MRPS25: variants seen among roughly 807,000 people sequenced by gnomAD.
MRPS25 encodes the protein mitochondrial ribosomal protein S25, also known as small ribosomal subunit protein mS25.
Under a neutral mutation model 17.3 loss-of-function variants are expected in MRPS25, and 15 were observed. The observed-to-expected ratio is 0.87, with a 90% CI of 0.58 to 1.34. MRPS25 has a LOEUF of 1.34. MRPS25 is among the 40% of genes most tolerant of loss of function. The probability of loss-of-function intolerance (pLI) is 0.00; values close to 1 mark genes in which losing one functional copy is unlikely to be tolerated. For missense variants in MRPS25, 225 were observed against 218.6 expected (o/e 1.03, Z -0.19); for synonymous variants, 94 against 83.3 (o/e 1.13, Z -0.70).
At chr3:15,062,620 A>C (rs1455678255) in intron 1 of MRPS25, among the ~76,000 whole-genome samples, 1 of 152,150 alleles carries the variant, frequency 6.6e-6, no homozygotes, top group African/African-American at 2.4e-5. Context: ...GTTTTGTGGA[A>C]TAGAAAGGGG....
chr3:15,059,764 C>T (rs1176311253), intron 1 of MRPS25, among the ~76,000 whole-genome samples: 4 of 152,080 alleles, frequency 2.6e-5, no homozygotes, highest in Admixed American at 1.3e-4. Flanking sequence ...GGTACTACGT[C>T]GTGATTTGTG....
At chr3:15,063,690 A>G (rs959237712) in intron 1 of MRPS25, among the ~76,000 whole-genome samples, 3 of 152,190 alleles carry the variant, frequency 2.0e-5, no homozygotes, top group Non-Finnish European at 4.4e-5. Flanking sequence ...CTGGCCATTT[A>G]AAAGCCAGAG....
At chr3:15,043,050 G>T, downstream of MRPS25, 1 of 1,564,944 alleles carries the variant, frequency 6.4e-7, no homozygotes, top group Non-Finnish European at 8.7e-7. Flanking sequence ...AATCCTTCCA[G>T]GACCGTTCAC....
Position 15,050,476 on chromosome 3 carries a change from A to T in MRPS25, c.*1965T>A, listed in dbSNP as rs980917986. On this transcript the variant is annotated 3_prime_UTR_variant, in exon 4 of 4. Transcript: ENST00000253686. ...CATAAGGCTTTGTGTGTCACTAGCT[A>T]TGGAGACCTACACTGCAGATGAAAG... 1.0e-6 allele frequency: 1 copy of T among 987,132 alleles called. No homozygotes were observed. The highest frequency in any genetic ancestry group is 1.2e-6 in the Non-Finnish European group (1 of 831,400). 61.1% of individuals were successfully genotyped at this position (987,132 alleles called of 1,614,324 possible).
At chr3:15,042,341 C>G (rs1392194587), downstream of MRPS25, 1 of 152,378 alleles carries the variant, frequency 6.6e-6, no homozygotes, top group Non-Finnish European at 1.5e-5. Flanking sequence ...AATCCCAATA[C>G]CCAGAGCCCA....
At chr3:15,062,121 A>C (rs1239658017) in intron 1 of MRPS25, among the ~76,000 whole-genome samples, 1 of 121,084 alleles carries the variant, frequency 8.3e-6, no homozygotes, top group South Asian at 3.0e-4. Flanking sequence ...CAGCCGCCCC[A>C]TCCGGGAGGG....
downstream of MRPS25, chr3:15,045,998 A>C (rs2042435857): frequency 6.6e-6 from 1 of 152,240 alleles, no homozygotes; most frequent in South Asian, 2.1e-4. Context: ...AGATCATTAC[A>C]CATTAGCATA....
chr3:15,059,644 G>A (rs999308961), intron 1 of MRPS25, among the ~76,000 whole-genome samples, 169 bp from the exon 2 acceptor site: 2 of 152,272 alleles, frequency 1.3e-5, no homozygotes, highest in African/African-American at 4.8e-5. Context: ...CCTGAATGGC[G>A]TGGGGACCCC....
chr3:15,056,796 A>C (rs1166577050), intron 2 of MRPS25, among the ~76,000 whole-genome samples: 2 of 152,270 alleles, frequency 1.3e-5, no homozygotes, highest in African/African-American at 4.8e-5. Flanking sequence ...TTTGTGGTCA[A>C]TTGTTACAGC....
In MRPS25 at chr3:15,059,364, C is replaced by A; in HGVS notation, c.241+5G>T. The A allele has an allele frequency of 6.2e-7, 1 of 1,603,556 alleles. No individual in the cohort carries two copies. Among genetic ancestry groups the A allele is most frequent in the Non-Finnish European group, 8.5e-7 (1 of 1,170,702 alleles). ...CCCCTGGACCATGGCGAGGGCCCCA[C>A]TCACCTAAGTAGAATCGCAGGAAGG... On this transcript the variant is annotated splice_donor_5th_base_variant and intron_variant, in intron 2 of 3. Transcript: ENST00000253686.
rs571786550 is a variant in MRPS25 at position 15,061,869 on chromosome 3, C to T, written c.135-2394G>A. 1.6e-4 allele frequency among the ~76,000 whole-genome samples: 25 copies of T among 151,884 alleles called. No homozygotes were observed. In the South Asian group the frequency reaches 4.8e-3, roughly 29 times the overall value. On this transcript the variant is annotated intron_variant, in intron 1 of 3. Coordinates refer to ENST00000253686, the MANE Select transcript of MRPS25 (RefSeq NM_022497.5). Reference sequence around the variant, plus strand: ...GAGGAGCATCTCTGCCCAGCCACCCCGTCTGAGAAGGGAGGAGACCCTCCG... The same window carrying T: ...GAGGAGCATCTCTGCCCAGCCACCCTGTCTGAGAAGGGAGGAGACCCTCCG...
chr3:15,051,220 G>A lies in MRPS25; in HGVS notation c.*1221C>T, dbSNP rs1467980222. ...TTTTTTCTTGAGACAGTCTTGCTCT[G>A]TGGCCCAGGCTGGAGTGCAGTAGCG... On this transcript the variant is annotated 3_prime_UTR_variant, in exon 4 of 4. Transcript: ENST00000253686. 1.0e-6 allele frequency: 1 copy of A among 973,990 alleles called. No individual in the cohort carries two copies. Among genetic ancestry groups the A allele is most frequent in the African/African-American group, 1.8e-5 (1 of 56,958 alleles). 60.3% of individuals were successfully genotyped at this position (973,990 alleles called of 1,614,324 possible).
intron 1 of MRPS25, among the ~76,000 whole-genome samples, 163 bp downstream of exon 1, chr3:15,064,898 C>A (rs551231893): frequency 6.6e-6 from 1 of 152,208 alleles, no homozygotes; most frequent in Non-Finnish European, 1.5e-5. Context: ...GCCCCGCCGT[C>A]CGCCTCAGTC....
At chr3:15,064,882 G>T (rs1446610241) in intron 1 of MRPS25, among the ~76,000 whole-genome samples, 179 bp downstream of exon 1, 1 of 152,220 alleles carries the variant, frequency 6.6e-6, no homozygotes, top group Non-Finnish European at 1.5e-5. Flanking sequence ...AGCCGGCCCG[G>T]CGGGGGCCCC....
downstream of MRPS25, chr3:15,042,969 A>C (rs564350558): frequency 1.2e-6 from 2 of 1,614,252 alleles, no homozygotes; most frequent in South Asian, 1.1e-5. Context: ...AGATGGAGAC[A>C]GCAGAGTATA....
At chr3:15,053,581 AG>A in intron 2 of MRPS25, 114 bp from the exon 3 acceptor site, 1 of 1,127,706 alleles carries the variant, frequency 8.9e-7, no homozygotes. Context: ...ATAATAAAAT[AG>A]ATATACTTGT....
In MRPS25 at chr3:15,051,595, G is replaced by A. The variant is rs1461227225; in HGVS notation, c.*846C>T. The A allele has an allele frequency of 5.1e-6, 5 of 985,344 alleles. No individual in the cohort carries two copies. In the African/African-American group the frequency reaches 8.7e-5, roughly 17 times the overall value. The allele number at this position is 985,344 out of a possible 1,614,324, so 61.0% of individuals were successfully genotyped here. On this transcript the variant is annotated 3_prime_UTR_variant, in exon 4 of 4. Transcript: ENST00000253686. ...GTAACATCAGTGTCCTATGAGGAAA[G>A]AACAAGGAAGGTGCTCAGTAATGCA...
chr3:15,064,831 G>A (rs1178370888), intron 1 of MRPS25, among the ~76,000 whole-genome samples: 2 of 152,212 alleles, frequency 1.3e-5, no homozygotes, highest in Admixed American at 1.3e-4. Context: ...ATCCAGGAGT[G>A]GGGTTCTTGT....
At chr3:15,058,794 T>C (rs186804797) in intron 2 of MRPS25, among the ~76,000 whole-genome samples, 8 of 152,244 alleles carry the variant, frequency 5.3e-5, no homozygotes, top group South Asian at 4.1e-4. Context: ...GTCTGAGAGC[T>C]GGGCCAGAAC....
Sources: allele counts gnomAD v4.1 joint callset (sites outside exome capture counted in the v4.1 genomes callset), GRCh38; gene constraint gnomAD v4.1.1; transcripts MANE v1.5; gene names NCBI Gene and HGNC (gene_info 2026-07-23, HGNC 2026-07-21).